Variants in DAB1 observed in about 807,000 individuals in gnomAD.
The protein encoded by DAB1 is DAB adaptor protein 1.
A neutral mutation model predicts 64.6 loss-of-function variants in DAB1; 15 were observed. The ratio of observed to expected loss-of-function variants is 0.23; its 90% confidence interval spans 0.16 to 0.36. The LOEUF is 0.36. DAB1 is among the 10% of genes least tolerant of loss of function. DAB1 has a pLI of 1.00. For synonymous variants in DAB1, 235 were observed against 251.9 expected (o/e 0.93, Z 0.64); for missense variants, 596 against 706.7 (o/e 0.84, Z 1.78).
chr1:58,491,478 T>C (rs1015266666), intron 3 of DAB1, among the ~76,000 whole-genome samples: 68 of 152,172 alleles, frequency 4.5e-4, no homozygotes, highest in African/African-American at 1.6e-3. Flanking sequence ...GCAAATTGGA[T>C]AAAGAGTCAA....
rs184875222 is a variant in DAB1, at chr1:57,204,183, C to T, written c.68-58754G>A. ...GGGATTACAGGTGTGAGCTACTGTGCCCGGCCTGGAGTAGTATTCTTTAAA... is the reference window on the plus strand; with the variant it reads ...GGGATTACAGGTGTGAGCTACTGTGTCCGGCCTGGAGTAGTATTCTTTAAA... On this transcript the variant is annotated intron_variant, in intron 2 of 14. Transcript: ENST00000371236. 7.2e-5 allele frequency among the ~76,000 whole-genome samples: 11 copies of T among 152,246 alleles called. No homozygotes were observed. In the East Asian group the frequency reaches 1.9e-3, roughly 27 times the overall value.
intron 5 of DAB1, among the ~76,000 whole-genome samples, chr1:57,971,148 G>C (rs901734711): frequency 6.6e-6 from 1 of 152,204 alleles, no homozygotes; most frequent in Non-Finnish European, 1.5e-5. Context: ...AGCAAGGCAA[G>C]ACTTGGATCT....
intron 5 of DAB1, among the ~76,000 whole-genome samples, chr1:57,964,300 TGTA>T (rs1645599009): frequency 6.6e-6 from 1 of 152,228 alleles, no homozygotes; most frequent in Non-Finnish European, 1.5e-5. Flanking sequence ...AATGTATTGC[TGTA>T]TATTCTTTCT....
At chr1:57,254,859 A>T (rs1669638855) in intron 2 of DAB1, among the ~76,000 whole-genome samples, 1 of 152,136 alleles carries the variant, frequency 6.6e-6, no homozygotes, top group African/African-American at 2.4e-5. Context: ...ACACACACAC[A>T]TACACACACA....
intron 5 of DAB1, among the ~76,000 whole-genome samples, chr1:58,011,871 A>G (rs1199199042): frequency 6.6e-6 from 1 of 152,044 alleles, no homozygotes; most frequent in Non-Finnish European, 1.5e-5. Context: ...TTGTATTTTT[A>G]GTAGAGACAG....
At chr1:58,085,029 T>C (rs1650218438) in intron 5 of DAB1, among the ~76,000 whole-genome samples, 1 of 152,150 alleles carries the variant, frequency 6.6e-6, no homozygotes, top group Non-Finnish European at 1.5e-5. Context: ...AGAATACCTT[T>C]GGGATTTTAT....
At chr1:58,491,896 A>C (rs1486106136) in intron 3 of DAB1, among the ~76,000 whole-genome samples, 2 of 152,208 alleles carry the variant, frequency 1.3e-5, no homozygotes, top group African/African-American at 4.8e-5. Context: ...AATTGAACTC[A>C]GCTCTGCACC....
At chr1:57,475,631 C>T (rs1053207823) in intron 7 of DAB1, among the ~76,000 whole-genome samples, 2 of 152,154 alleles carry the variant, frequency 1.3e-5, no homozygotes, top group East Asian at 1.9e-4. Flanking sequence ...GATGAGAAAG[C>T]GGAGCTCCGA....
At chr1:57,873,740 A>G (rs1319788505) in intron 1 of DAB1, among the ~76,000 whole-genome samples, 4 of 152,156 alleles carry the variant, frequency 2.6e-5, no homozygotes, top group Non-Finnish European at 5.9e-5. Context: ...CAGTTTCCTC[A>G]TGGGGACAAT....
intron 2 of DAB1, among the ~76,000 whole-genome samples, chr1:57,273,951 C>T (rs1043614582): frequency 1.3e-5 from 2 of 151,960 alleles, no homozygotes; most frequent in African/African-American, 4.8e-5. Context: ...CAAACCTCAC[C>T]CTATTAATTT....
intron 5 of DAB1, among the ~76,000 whole-genome samples, chr1:58,113,512 A>C (rs1776196): frequency 6.6e-6 from 1 of 152,002 alleles, no homozygotes; most frequent in Admixed American, 6.6e-5. Context: ...CAAAAGCTGA[A>C]GCACAAATGG....
intron 5 of DAB1, among the ~76,000 whole-genome samples, chr1:57,941,003 C>T (rs569516122): frequency 6.6e-6 from 1 of 152,298 alleles, no homozygotes; most frequent in African/African-American, 2.4e-5. Flanking sequence ...ATGCAGTGAG[C>T]ATCTGATTAT....
chr1:57,473,121 G>A (rs574900068), intron 7 of DAB1, among the ~76,000 whole-genome samples: 6 of 152,282 alleles, frequency 3.9e-5, no homozygotes, highest in East Asian at 3.9e-4. Flanking sequence ...TATGTATAGC[G>A]GAGGCAATGT....
At chr1:57,918,902 T>A (rs1302868928) in intron 5 of DAB1, among the ~76,000 whole-genome samples, 1 of 152,080 alleles carries the variant, frequency 6.6e-6, no homozygotes, top group Non-Finnish European at 1.5e-5. Context: ...AGGCCCCACT[T>A]CCCAATACCA....
chr1:58,447,612 G>A lies in DAB1; in HGVS notation n.257+58448C>T, dbSNP rs149237272. ...AGGGTGAATAACCAGATAAACAAAC[G>A]CTCGTCAGTGCTATGAAAGAAAAGA... is the stretch of plus-strand genomic sequence containing the variant. On this transcript the variant is annotated intron_variant and non_coding_transcript_variant, in intron 3 of 20. Transcript: ENST00000485760. Among the ~76,000 whole-genome samples the A allele has an allele frequency of 4.8e-4, 73 of 152,218 alleles. No homozygotes were observed. The East Asian group carries it at 0.014, about 29-fold the overall frequency.
chr1:58,426,361 A>G (rs1051588721), intron 3 of DAB1, among the ~76,000 whole-genome samples: 3 of 152,186 alleles, frequency 2.0e-5, no homozygotes, highest in Non-Finnish European at 2.9e-5. Context: ...ACCCATATTG[A>G]GGACACCTGC....
chr1:57,552,631 TTA>T (rs1644927149), intron 7 of DAB1, among the ~76,000 whole-genome samples: 1 of 152,166 alleles, frequency 6.6e-6, no homozygotes. Context: ...ACCAGAATTT[TTA>T]TGTGCGGGAC....
chr1:58,320,256 A>G (rs1294716985), intron 4 of DAB1, among the ~76,000 whole-genome samples: 2 of 152,234 alleles, frequency 1.3e-5, no homozygotes, highest in Admixed American at 1.3e-4. Context: ...CAGTGACACA[A>G]ATTGAATACT....
intron 5 of DAB1, among the ~76,000 whole-genome samples, chr1:57,997,044 A>G (rs1046026725): frequency 7.0e-4 from 107 of 152,204 alleles, no homozygotes; most frequent in African/African-American, 2.4e-3. Context: ...TTCTCAAATA[A>G]TAAGTGGTTG....
Sources: gnomAD v4.1 joint callset for allele counts (sites outside exome capture counted in the v4.1 genomes callset) on GRCh38, gnomAD v4.1.1 for gene constraint, MANE v1.5 for transcripts, NCBI Gene and HGNC (gene_info 2026-07-23, HGNC 2026-07-21) for gene names.